SORL1: variants seen among roughly 807,000 people sequenced by gnomAD.
SORL1 encodes sortilin related receptor 1.
SORL1 carries 127 observed loss-of-function variants against 273.7 expected under a neutral mutation model. That is an observed-to-expected ratio of 0.46 (90% confidence interval 0.40 to 0.54). The LOEUF is 0.54. Ranked by LOEUF, SORL1 falls within the 20% of genes least tolerant of loss-of-function variation. SORL1 has a pLI of 0.00. For missense variants in SORL1, 2,494 were observed against 2,846.1 expected (o/e 0.88, Z 2.81); for synonymous variants, 1,031 against 1,067.4 (o/e 0.97, Z 0.66).
At chr11:121,496,224 C>T (rs900320096) in intron 5 of SORL1, among the ~76,000 whole-genome samples, 2 of 152,208 alleles carry the variant, frequency 1.3e-5, no homozygotes, top group Non-Finnish European at 2.9e-5. Context: ...CATCTCCTCA[C>T]GAGAGTGTGG....
Position 121,470,858 on chromosome 11 carries a change from A to G in SORL1, c.402+735A>G, listed in dbSNP as rs118167965. On this transcript the variant is annotated intron_variant, in intron 2 of 47. Transcript: ENST00000260197. ...ATGGCTGGCTAATTTTTGTGCTTAT[A>G]TATATTTTTTGGTAGAGATGGGGTT... is the stretch of plus-strand genomic sequence containing the variant. Among the ~76,000 whole-genome samples the G allele has an allele frequency of 1.3e-3, 194 of 152,090 alleles. 4 individuals carry two copies. The East Asian group carries it at 0.033, about 26-fold the overall frequency.
At position 121,619,854 on chromosome 11, in the gene SORL1, T is replaced by C. The variant is rs775076899; in HGVS notation, c.5826T>C (p.His1942=). The C allele has an allele frequency of 1.9e-6, 3 of 1,614,126 alleles. No homozygotes were observed. The highest frequency in any genetic ancestry group is 2.5e-6 in the Non-Finnish European group (3 of 1,179,950). Residue 1942 remains histidine (H), a synonymous_variant, in exon 43 of 48, where the codon CAT becomes CAC. Transcript: ENST00000260197. The part of the protein sequence containing the change: ...RLPPRHLHVV[H]TGKTSVVIKW... ...CACCCCGTCACCTGCATGTGGTTCA[T>C]ACGGGCAAAACCTCCGTGGTCATCA...
chr11:121,499,091 C>A (rs187136462), intron 6 of SORL1, among the ~76,000 whole-genome samples: 4 of 152,056 alleles, frequency 2.6e-5, no homozygotes, highest in African/African-American at 9.7e-5. Context: ...GCAGCAGATG[C>A]GCAATAGAGT....
intron 33 of SORL1, among the ~76,000 whole-genome samples, chr11:121,604,801 AG>A (rs1863444591): frequency 1.3e-5 from 2 of 152,224 alleles, no homozygotes; most frequent in Non-Finnish European, 2.9e-5. Flanking sequence ...GGGATTGTAT[AG>A]GGAGGTTTCA....
intron 12 of SORL1, among the ~76,000 whole-genome samples, chr11:121,532,774 C>G (rs964912746): frequency 2.0e-5 from 3 of 151,994 alleles, no homozygotes; most frequent in Non-Finnish European, 4.4e-5. Context: ...CAACCTCCAC[C>G]TCCTGGGTTG....
Position 121,631,904 on chromosome 11 carries a change from C to G in SORL1, c.*2341C>G, listed in dbSNP as rs1000093497. 1.3e-5 allele frequency: 2 copies of G among 152,222 alleles called. No individual in the cohort carries two copies. Among genetic ancestry groups the G allele is most frequent in the African/African-American group, 2.4e-5 (1 of 41,456 alleles). The allele number at this position is 152,222 out of a possible 1,614,324, so 9.4% of individuals were successfully genotyped here. A position where few individuals can be genotyped will look rare whatever the true frequency, so the allele number is the denominator to read the frequency against. ...TTTTTATGAACTTTTGAAGCACACA[C>G]TCCTGTTTCCCTCTGTGTAGCTTTG... On this transcript the variant is annotated 3_prime_UTR_variant, in exon 48 of 48. Transcript: ENST00000260197.
Position 121,567,049 on chromosome 11 carries a change from A to AG in SORL1, c.3163dup (p.Asp1055GlyfsTer5), listed in dbSNP as rs1264291881. The AG allele has an allele frequency of 6.2e-7, 1 of 1,614,080 alleles. No homozygotes were observed. The highest frequency in any genetic ancestry group is 8.5e-7 in the Non-Finnish European group (1 of 1,180,012). On this transcript the variant is annotated frameshift_variant, in exon 22 of 48. Transcript: ENST00000260197. LOFTEE classifies it high-confidence loss of function. ...ATGTGTCCAGCAGTGTGCTTCCATC[A>AG]GGGGACCTGATGTGTGACTGCCCTC...
At chr11:121,472,520 C>T (rs1307847891) in intron 2 of SORL1, among the ~76,000 whole-genome samples, 12 of 152,182 alleles carry the variant, frequency 7.9e-5, no homozygotes, top group Admixed American at 7.9e-4. Context: ...GGGTGACCAA[C>T]TTGTCTAGGT....
At chr11:121,461,499 C>T (rs1391251480) in intron 1 of SORL1, among the ~76,000 whole-genome samples, 2 of 152,328 alleles carry the variant, frequency 1.3e-5, no homozygotes, top group Non-Finnish European at 2.9e-5. Context: ...TTAATGCACT[C>T]CCCCTTCTCC....
At chr11:121,608,497 A>C in intron 38 of SORL1, 2 of 268,118 alleles carry the variant, frequency 7.5e-6, no homozygotes, top group South Asian at 6.8e-5. Flanking sequence ...CTTCTCACCA[A>C]AGCTGAAGAT....
chr11:121,550,138 G>C lies in SORL1; in HGVS notation c.2180+50G>C. The C allele has an allele frequency of 6.3e-7, 1 of 1,577,826 alleles. No individual in the cohort carries two copies. The highest frequency in any genetic ancestry group is 1.2e-5 in the South Asian group (1 of 86,596). On this transcript the variant is annotated intron_variant, in intron 15 of 47. Coordinates refer to ENST00000260197, the MANE Select transcript of SORL1 (RefSeq NM_003105.6). The surrounding 1 kb of genome is among the most constrained non-coding windows in gnomAD (Gnocchi z 5.3). ...TCAGGTTCTCAGCGGTCCGCACATG[G>C]AGCGAGAGAGCATAGAGGACCGTCT...
Position 121,481,510 on chromosome 11 carries a change from T to C in SORL1, c.528+3267T>C, listed in dbSNP as rs1264588324. Among the ~76,000 whole-genome samples the C allele has an allele frequency of 4.1e-3, 167 of 40,808 alleles. No individual in the cohort carries two copies. Among genetic ancestry groups the C allele is most frequent in the Non-Finnish European group, 4.7e-3 (99 of 21,242 alleles). 26.8% of individuals were successfully genotyped at this position (40,808 alleles called of 152,430 possible). A position where few individuals can be genotyped will look rare whatever the true frequency, so the allele number is the denominator to read the frequency against. ...GTGCACAGATACCTATAGGCAGGCTTCATCTCCTCCTCCCCAGCTCCTTCC... is the reference window on the plus strand; with the variant it reads ...GTGCACAGATACCTATAGGCAGGCTCCATCTCCTCCTCCCCAGCTCCTTCC... On this transcript the variant is annotated intron_variant, in intron 3 of 47. Transcript: ENST00000260197.
chr11:121,538,453 A>G (rs977439335), intron 12 of SORL1, among the ~76,000 whole-genome samples: 1 of 152,280 alleles, frequency 6.6e-6, no homozygotes, highest in South Asian at 2.1e-4. Flanking sequence ...TTTACTCAGC[A>G]TAATGATTTT....
intron 12 of SORL1, 21 bp from the exon 13 acceptor site, chr11:121,543,527 C>T (rs201154681): frequency 1.3e-5 from 21 of 1,586,634 alleles, no homozygotes; most frequent in Non-Finnish European, 1.8e-5. Flanking sequence ...TGCAAGGATT[C>T]TCTTACTTGC....
At chr11:121,555,048 C>A in intron 17 of SORL1, 139 bp from the exon 18 acceptor site, 1 of 925,676 alleles carries the variant, frequency 1.1e-6, no homozygotes, top group South Asian at 2.4e-5. Context: ...CTTCATGTGT[C>A]TGGAAAGTTT....
At position 121,570,153 on chromosome 11, in the gene SORL1, G is replaced by A; in HGVS notation, c.3224-4G>A. The A allele has an allele frequency of 6.2e-7, 1 of 1,606,624 alleles. No homozygotes were observed. The highest frequency in any genetic ancestry group is 8.5e-7 in the Non-Finnish European group (1 of 1,173,416). On this transcript the variant is annotated splice_polypyrimidine_tract_variant and splice_region_variant and intron_variant, in intron 22 of 47. Transcript: ENST00000260197. ...TTCCTCCCCTGCCGCACTCTGATGG[G>A]TAGAGAACACCTGTCTTCGCAACCA...
At chr11:121,608,059 T>C (rs986241035) in intron 37 of SORL1, 45 bp from the exon 38 acceptor site, 1 of 1,508,304 alleles carries the variant, frequency 6.6e-7, no homozygotes, top group African/African-American at 1.4e-5. Context: ...TGGTGTATGG[T>C]GTATTGCCTT....
At chr11:121,535,243 G>A (rs995221848) in intron 12 of SORL1, among the ~76,000 whole-genome samples, 30 of 152,144 alleles carry the variant, frequency 2.0e-4, no homozygotes, top group African/African-American at 4.8e-5. Flanking sequence ...TGTGCAACCC[G>A]GTAGTACCCA....
intron 23 of SORL1, among the ~76,000 whole-genome samples, chr11:121,571,866 TCTGTGTCTTTTCTGCAAAAAATAAGGC>T (rs2134929338): frequency 6.6e-6 from 1 of 152,380 alleles, no homozygotes; most frequent in South Asian, 2.1e-4. Context: ...CACTAGCCTC[TCTGTGTCTTTTCTGCAAAAAATAAGGC>T]CTATAAAGCC....
Sources: allele counts gnomAD v4.1 joint callset (sites outside exome capture counted in the v4.1 genomes callset), GRCh38; gene constraint gnomAD v4.1.1; non-coding constraint Gnocchi (gnomAD v3.1); transcripts MANE v1.5; gene names NCBI Gene and HGNC (gene_info 2026-07-23, HGNC 2026-07-21).